Variants in THAP8 observed in about 807,000 individuals in gnomAD.
THAP8 encodes the protein THAP domain containing 8.
A neutral mutation model predicts 25.0 loss-of-function variants in THAP8; 24 were observed. That is an observed-to-expected ratio of 0.96 (90% confidence interval 0.69 to 1.35). The LOEUF is 1.35. Ranked by LOEUF, THAP8 falls within the 40% of genes most tolerant of loss-of-function variation. The probability of loss-of-function intolerance (pLI) is 0.00; values close to 1 mark genes in which losing one functional copy is unlikely to be tolerated. For synonymous variants in THAP8, 169 were observed against 157.6 expected, an observed-to-expected ratio of 1.07 and a Z score of -0.54; for missense variants, 399 against 368.8, an observed-to-expected ratio of 1.08 and a Z score of -0.67.
At chr19:36,045,633 C>T (rs1969853279) in intron 1 of THAP8, 1 of 430,614 alleles carries the variant, frequency 2.3e-6, no homozygotes, top group East Asian at 7.0e-5. Context: ...GGAGATTATC[C>T]TGGGTCATCC....
At chr19:36,048,848 A>C (rs950258029) in intron 1 of THAP8, among the ~76,000 whole-genome samples, 8 of 128,224 alleles carry the variant, frequency 6.2e-5, no homozygotes, top group African/African-American at 1.2e-4. Context: ...CTTTAAAAAA[A>C]AAAAAAAACA....
chr19:36,052,340 G>C (rs867637250), intron 1 of THAP8, among the ~76,000 whole-genome samples: 2 of 152,198 alleles, frequency 1.3e-5, no homozygotes, highest in African/African-American at 4.8e-5. Context: ...ACTGTGCCTG[G>C]CCAGTTGCCC....
intron 3 of THAP8, among the ~76,000 whole-genome samples, chr19:36,036,669 G>C (rs1045388725): frequency 6.6e-6 from 1 of 152,074 alleles, no homozygotes; most frequent in Non-Finnish European, 1.5e-5. Flanking sequence ...GGCTGGGCAT[G>C]GTGGCTCATA....
At chr19:36,036,272 C>CTTTT (rs35918803) in intron 3 of THAP8, among the ~76,000 whole-genome samples, 1,552 of 110,380 alleles carry the variant, frequency 0.014, 52 homozygotes, top group Non-Finnish European at 0.018. Flanking sequence ...AAAGACCAGA[C>CTTTT]TTTTTTTTTT....
chr19:36,039,807 T>G, intron 2 of THAP8, 89 bp from the exon 3 acceptor site: 1 of 1,512,398 alleles, frequency 6.6e-7, no homozygotes, highest in Non-Finnish European at 8.8e-7. Context: ...CAAGGGGGAC[T>G]TGCCTAGGTA....
At chr19:36,041,074 G>A (rs958594634) in intron 1 of THAP8, among the ~76,000 whole-genome samples, 8 of 151,466 alleles carry the variant, frequency 5.3e-5, no homozygotes, top group African/African-American at 1.9e-4. Flanking sequence ...TTGGGAAGAC[G>A]ACAAGGTGGG....
In THAP8 at chr19:36,035,348, G is replaced by A; in HGVS notation, c.*92C>T. 1 of 1,503,712 alleles carries A rather than the reference G, an allele frequency of 6.7e-7. No homozygotes were observed. Among genetic ancestry groups the A allele is most frequent in the Non-Finnish European group, 9.0e-7 (1 of 1,110,970 alleles). The allele number at this position is 1,503,712 out of a possible 1,614,324, so 93.1% of individuals were successfully genotyped here. A position where few individuals can be genotyped will look rare whatever the true frequency, so the allele number is the denominator to read the frequency against. ...TGAGGGAGGCACTGCTACTACCCAG[G>A]CGTGGGCGGTGGGGCTGGGCCAAGC... On this transcript the variant is annotated 3_prime_UTR_variant, in exon 4 of 4. Transcript: ENST00000292894.
rs529344277 is a variant in THAP8 at position 36,042,686 on chromosome 19, G to A, written c.84-2550C>T. ...GCAGCATAAATCACAACAGCCAAAA[G>A]GTGGAAGTGTCTATCAACAGATACA... On this transcript the variant is annotated intron_variant, in intron 1 of 3. Transcript: ENST00000292894. 3.9e-4 allele frequency among the ~76,000 whole-genome samples: 60 copies of A among 152,350 alleles called. 2 individuals are homozygous for A. In the South Asian group the frequency reaches 0.012, roughly 30 times the overall value.
chr19:36,050,073 A>T (rs939639772), intron 1 of THAP8, among the ~76,000 whole-genome samples: 1 of 151,082 alleles, frequency 6.6e-6, no homozygotes, highest in Non-Finnish European at 1.5e-5. Context: ...AAAAAAAAAA[A>T]GATGATGGCA....
In THAP8 at chr19:36,054,175, C is replaced by T. The variant is rs746330862; in HGVS notation, c.43G>A (p.Gly15Ser). 7.4e-6 allele frequency: 12 copies of T among 1,613,742 alleles called. No homozygotes were observed. Among genetic ancestry groups the T allele is most frequent in the East Asian group, 4.5e-5 (2 of 44,890 alleles). ...CRAPNCSNTA[G>S]RLGADNRPVS... ...GGGCGGTTGTCTGCACCCAGGCGGC[C>T]CGCAGTGTTGGAGCAGTTCGGCGCC... is the stretch of plus-strand genomic sequence containing the variant. The change falls in exon 1 of 4, where the codon GGC (glycine) becomes AGC (serine). Residue 15 changes from glycine (G) to serine (S), a missense_variant. Transcript: ENST00000292894.
Position 36,049,481 on chromosome 19 carries a change from C to T in THAP8, c.83+4654G>A, listed in dbSNP as rs533218372. On this transcript the variant is annotated intron_variant, in intron 1 of 3. Transcript: ENST00000292894. ...GTGTCTCATCTTATCTCTCACCTGG[C>T]ATCCATGCCCTCTCCTAAGCCTCTT... Among the ~76,000 whole-genome samples, 4 of 152,308 alleles carry T rather than the reference C, an allele frequency of 2.6e-5. No individual in the cohort carries two copies. The South Asian group carries it at 8.3e-4, about 32-fold the overall frequency.
intron 1 of THAP8, among the ~76,000 whole-genome samples, chr19:36,044,553 G>A (rs373173293): frequency 4.6e-5 from 7 of 152,152 alleles, no homozygotes; most frequent in African/African-American, 1.7e-4. Flanking sequence ...GCAGAGGCAC[G>A]ATCATGGCTC....
At chr19:36,051,568 G>T (rs2145461498) in intron 1 of THAP8, among the ~76,000 whole-genome samples, 1 of 152,158 alleles carries the variant, frequency 6.6e-6, no homozygotes, top group East Asian at 1.9e-4. Context: ...CAGGATGCAG[G>T]AAGAGGAGAG....
At chr19:36,054,438 A>G, upstream of THAP8, 1 of 609,996 alleles carries the variant, frequency 1.6e-6, no homozygotes, top group African/African-American at 1.8e-5. Context: ...GGCCATAGCG[A>G]GTACTGTGCA....
intron 1 of THAP8, among the ~76,000 whole-genome samples, chr19:36,047,582 G>C (rs1310250367): frequency 6.6e-6 from 1 of 152,212 alleles, no homozygotes; most frequent in Non-Finnish European, 1.5e-5. Flanking sequence ...CAGCACTTTG[G>C]TGGCCAAGGT....
intron 1 of THAP8, among the ~76,000 whole-genome samples, chr19:36,043,586 G>A (rs2145442294): frequency 6.6e-6 from 1 of 152,194 alleles, no homozygotes. Context: ...ATTTTAATAG[G>A]CCAGGCACGG....
At chr19:36,053,482 G>GA (rs2145470022) in intron 1 of THAP8, among the ~76,000 whole-genome samples, 1 of 150,418 alleles carries the variant, frequency 6.6e-6, no homozygotes, top group South Asian at 2.1e-4. Flanking sequence ...TTGAGCCCGG[G>GA]AGGTCGAGGT....
rs1970019482 is a variant in THAP8 at position 36,050,261 on chromosome 19, C to G, written c.83+3874G>C. Among the ~76,000 whole-genome samples, 2 of 152,122 alleles carry G rather than the reference C, an allele frequency of 1.3e-5. 1 individual carries two copies. The highest frequency in any genetic ancestry group is 4.1e-4 in the South Asian group (2 of 4,832). On this transcript the variant is annotated intron_variant, in intron 1 of 3. Transcript: ENST00000292894. The stretch of plus-strand genomic sequence containing the variant: ...CTGGGATCCAGTGATTCTCTCACCT[C>G]ACTGTCTCATGTAGCTGGAACTACA...
chr19:36,040,777 A>G (rs539818465), intron 1 of THAP8, among the ~76,000 whole-genome samples: 1 of 152,026 alleles, frequency 6.6e-6, no homozygotes, highest in South Asian at 2.1e-4. Flanking sequence ...GTTCTTCCAC[A>G]TCAACTTGTT....
Sources: allele counts gnomAD v4.1 joint callset (sites outside exome capture counted in the v4.1 genomes callset), GRCh38; gene constraint gnomAD v4.1.1; transcripts MANE v1.5; gene names NCBI Gene and HGNC (gene_info 2026-07-23, HGNC 2026-07-21).